STK39: variants seen among roughly 807,000 people sequenced by gnomAD.
The protein encoded by STK39 is serine/threonine kinase 39.
Under a neutral mutation model 77.8 loss-of-function variants are expected in STK39, and 20 were observed. The ratio of observed to expected loss-of-function variants is 0.26; its 90% CI spans 0.18 to 0.37. The LOEUF (loss-of-function observed/expected upper bound fraction) is 0.37. Among genes scored for constraint, STK39 ranks in the 10% least tolerant of loss-of-function variants. The probability of loss-of-function intolerance (pLI) is 1.00; values close to 1 mark genes in which losing one functional copy is unlikely to be tolerated. For missense variants in STK39, 479 were observed against 656.5 expected, an observed-to-expected ratio of 0.73 and a Z score of 2.95; for synonymous variants, 246 against 234.1, an observed-to-expected ratio of 1.05 and a Z score of -0.47.
chr2:168,139,071 G>A (rs990722974), intron 7 of STK39, among the ~76,000 whole-genome samples: 1 of 152,158 alleles, frequency 6.6e-6, no homozygotes, highest in Non-Finnish European at 1.5e-5. Context: ...TAGATGAAGC[G>A]TGAAAGTGAC....
At chr2:168,070,661 G>A (rs945265928) in intron 12 of STK39, among the ~76,000 whole-genome samples, 3 of 142,210 alleles carry the variant, frequency 2.1e-5, no homozygotes, top group African/African-American at 5.3e-5. Context: ...TGTTCTCATT[G>A]TTCAATTCCC....
intron 10 of STK39, among the ~76,000 whole-genome samples, chr2:168,081,680 G>C (rs1686235111): frequency 6.6e-6 from 1 of 152,150 alleles, no homozygotes; most frequent in Non-Finnish European, 1.5e-5. Flanking sequence ...TGGTTTGGCT[G>C]TGTCCGCACC....
intron 8 of STK39, among the ~76,000 whole-genome samples, chr2:168,135,723 T>A (rs575869378): frequency 4.3e-4 from 66 of 152,194 alleles, no homozygotes; most frequent in Non-Finnish European, 7.5e-4. Flanking sequence ...TGCATAGATT[T>A]TTCCCCCCGC....
chr2:168,234,056 G>C (rs998448706), intron 1 of STK39, among the ~76,000 whole-genome samples: 1 of 152,266 alleles, frequency 6.6e-6, no homozygotes, highest in Non-Finnish European at 1.5e-5. Flanking sequence ...AATAGGTACA[G>C]AGTGAAAACA....
intron 14 of STK39, among the ~76,000 whole-genome samples, chr2:168,034,320 T>C (rs1014181071): frequency 1.3e-5 from 2 of 152,234 alleles, no homozygotes; most frequent in African/African-American, 4.8e-5. Context: ...TGAGAAGTTT[T>C]CTGATAATCC....
chr2:168,130,969 A>C (rs1687680603), intron 8 of STK39, among the ~76,000 whole-genome samples: 1 of 152,228 alleles, frequency 6.6e-6, no homozygotes, highest in Non-Finnish European at 1.5e-5. Context: ...CCTGGGCTTG[A>C]GAAAGAAGCC....
Position 168,167,417 on chromosome 2 carries a change from G to C in STK39, c.322-10C>G. 6.2e-7 allele frequency: 1 copy of C among 1,612,034 alleles called. No individual in the cohort carries two copies. Among genetic ancestry groups the C allele is most frequent in the South Asian group, 1.1e-5 (1 of 90,968 alleles). On this transcript the variant is annotated splice_polypyrimidine_tract_variant and intron_variant, in intron 2 of 17. Transcript: ENST00000355999. The stretch of plus-strand genomic sequence containing the variant: ...TGGCTTGAATTTCTTTCTATAAAAA[G>C]AGCAAAACATGACATAGTACCATGG...
intron 1 of STK39, among the ~76,000 whole-genome samples, chr2:168,203,621 C>A (rs1290164386): frequency 6.6e-6 from 1 of 152,200 alleles, no homozygotes; most frequent in Admixed American, 6.5e-5. Context: ...GAGACGGAGT[C>A]TCGCTCTGTC....
intron 16 of STK39, among the ~76,000 whole-genome samples, chr2:167,976,096 G>A (rs567721548): frequency 4.6e-5 from 7 of 152,082 alleles, no homozygotes; most frequent in Non-Finnish European, 1.0e-4. Flanking sequence ...ATTTTTCCTC[G>A]GAAACCCTAA....
intron 12 of STK39, among the ~76,000 whole-genome samples, chr2:168,071,694 C>T (rs1282328171): frequency 6.6e-6 from 1 of 151,890 alleles, no homozygotes; most frequent in Non-Finnish European, 1.5e-5. Flanking sequence ...ACGGTGAAAC[C>T]CTGTCTCTAC....
chr2:168,192,563 G>A (rs1162961226), intron 1 of STK39, among the ~76,000 whole-genome samples: 1 of 152,150 alleles, frequency 6.6e-6, no homozygotes, highest in East Asian at 1.9e-4. Flanking sequence ...TGATGGTTAT[G>A]ACGGAGGGTC....
chr2:168,092,240 T>C (rs1357909616), intron 10 of STK39, among the ~76,000 whole-genome samples: 1 of 152,190 alleles, frequency 6.6e-6, no homozygotes, highest in African/African-American at 2.4e-5. Context: ...CCTTACATCA[T>C]CAGGACAATT....
chr2:168,161,924 TATC>T (rs1688582512), intron 4 of STK39, 82 bp from the exon 5 acceptor site: 5 of 977,414 alleles, frequency 5.1e-6, no homozygotes, highest in South Asian at 1.5e-5. Context: ...TTTTAAAACA[TATC>T]ATACAACGCA....
chr2:168,057,918 G>A (rs1685568147), intron 14 of STK39, among the ~76,000 whole-genome samples: 1 of 152,032 alleles, frequency 6.6e-6, no homozygotes. Context: ...GATCATCCCT[G>A]TTCACCCATC....
chr2:167,958,894 T>C (rs1212228575), intron 17 of STK39, among the ~76,000 whole-genome samples: 2 of 152,236 alleles, frequency 1.3e-5, no homozygotes, highest in Admixed American at 6.5e-5. Context: ...GCAGATCTTC[T>C]AAATGTTGAC....
chr2:168,105,991 C>T (rs6720689), intron 10 of STK39, among the ~76,000 whole-genome samples: 109,744 of 152,128 alleles, frequency 0.72, 40,142 homozygotes, highest in Non-Finnish European at 0.79. Context: ...TGAAACGAAG[C>T]CTTGCTCTGT....
At chr2:168,133,000 G>C (rs779478835) in intron 8 of STK39, among the ~76,000 whole-genome samples, 1 of 152,196 alleles carries the variant, frequency 6.6e-6, no homozygotes, top group African/African-American at 2.4e-5. Context: ...GCGGGGAACA[G>C]GAGAAAGACT....
chr2:168,168,034 T>C (rs369876984), intron 2 of STK39, among the ~76,000 whole-genome samples: 233 of 152,092 alleles, frequency 1.5e-3, no homozygotes, highest in African/African-American at 4.7e-3. Flanking sequence ...AGATAATATA[T>C]CTCATTCTAA....
Position 168,181,970 on chromosome 2 carries a change from T to C in STK39, c.321+8A>G, listed in dbSNP as rs1330810574. The C allele has an allele frequency of 6.2e-7, 1 of 1,611,764 alleles. No homozygotes were observed. The highest frequency in any genetic ancestry group is 2.2e-5 in the East Asian group (1 of 44,848). The stretch of plus-strand genomic sequence containing the variant: ...CAACCAGCAGGTATTCCCTGCACTG[T>C]TACTTACTAATAGTTCATCCATACT... On this transcript the variant is annotated splice_region_variant and intron_variant, in intron 2 of 17. Transcript: ENST00000355999.
Sources: gnomAD v4.1 joint callset for allele counts (sites outside exome capture counted in the v4.1 genomes callset) on GRCh38, gnomAD v4.1.1 for gene constraint, MANE v1.5 for transcripts, NCBI Gene and HGNC (gene_info 2026-07-23, HGNC 2026-07-21) for gene names.